The following KHDRBS2 variants were observed in gnomAD, a reference collection of about 807,000 sequenced individuals.
KHDRBS2 encodes the protein KH domain-containing, RNA-binding, signal transduction-associated protein 2.
In KHDRBS2, 26 loss-of-function variants were observed where a neutral mutation model predicts 44.3. The observed-to-expected ratio is 0.59, with a 90% CI of 0.43 to 0.81. KHDRBS2 has a LOEUF of 0.81. Among genes scored for constraint, KHDRBS2 ranks in the 40% least tolerant of loss-of-function variants. The probability of loss-of-function intolerance (pLI) is 0.00; values close to 1 mark genes in which losing one functional copy is unlikely to be tolerated. For synonymous variants in KHDRBS2, 194 were observed against 151.1 expected (o/e 1.28, Z -2.08); for missense variants, 476 against 433.1 (o/e 1.10, Z -0.88).
intron 4 of KHDRBS2, 100 bp from the exon 5 acceptor site, chr6:61,901,471 ATT>A (rs1186612861): frequency 1.1e-6 from 1 of 931,836 alleles, no homozygotes; most frequent in Non-Finnish European, 1.6e-6. Flanking sequence ...ATAGGAAATA[ATT>A]TTTTTCATTT....
Position 61,978,099 on chromosome 6 carries a change from A to G in KHDRBS2, c.450T>C (p.His150=), listed in dbSNP as rs1773077680. 6.2e-7 allele frequency: 1 copy of G among 1,609,078 alleles called. No individual in the cohort carries two copies. The highest frequency in any genetic ancestry group is 1.7e-5 in the Admixed American group (1 of 59,192). ...PPGEAYSRMS[H]ALEEIKKFLV... Reference sequence around the variant, plus strand: ...GGAATTTTTTAATCTCTTCCAATGCATGACTCATACGTGAATAAGCTTCCC... The same window carrying G: ...GGAATTTTTTAATCTCTTCCAATGCGTGACTCATACGTGAATAAGCTTCCC... Residue 150 remains histidine (H), a synonymous_variant, in exon 4 of 9, where the codon CAT becomes CAC. Coordinates refer to ENST00000281156, the MANE Select transcript of KHDRBS2 (RefSeq NM_152688.4).
chr6:61,956,208 CA>C (rs1012784726), intron 4 of KHDRBS2, among the ~76,000 whole-genome samples: 1 of 151,866 alleles, frequency 6.6e-6, no homozygotes, highest in South Asian at 2.1e-4. Flanking sequence ...AAAACAAAAA[CA>C]AAAAAACAGA....
intron 1 of KHDRBS2, among the ~76,000 whole-genome samples, chr6:62,198,036 CAA>C (rs1826056700): frequency 6.6e-6 from 1 of 151,898 alleles, no homozygotes; most frequent in Non-Finnish European, 1.5e-5. Context: ...TCTTTGAAAC[CAA>C]TGAGAACAAA....
At chr6:62,066,052 C>T (rs1405140193) in intron 2 of KHDRBS2, among the ~76,000 whole-genome samples, 1 of 151,564 alleles carries the variant, frequency 6.6e-6, no homozygotes, top group Admixed American at 6.6e-5. Context: ...TTCAAAGACA[C>T]GTCTTTGCCA....
In KHDRBS2 at chr6:62,285,760, C is replaced by T. The variant is rs1193218918; in HGVS notation, c.91+98G>A. 7 of 746,396 alleles carry T rather than the reference C, an allele frequency of 9.4e-6. No individual in the cohort carries two copies. The East Asian group carries it at 1.2e-4, about 12-fold the overall frequency. The allele number at this position is 746,396 out of a possible 1,614,324, so 46.2% of individuals were successfully genotyped here. A position where few individuals can be genotyped will look rare whatever the true frequency, so the allele number is the denominator to read the frequency against. On this transcript the variant is annotated intron_variant, in intron 1 of 8. Transcript: ENST00000281156. The stretch of plus-strand genomic sequence containing the variant: ...TTCAGGGGGACAGTTTCTGCGAAGG[C>T]GGGGAGAGGAGTCCCTCCCCAACTT...
intron 4 of KHDRBS2, among the ~76,000 whole-genome samples, chr6:61,911,600 TTTTTG>T (rs1806056728): frequency 1.3e-5 from 2 of 152,182 alleles, no homozygotes; most frequent in African/African-American, 2.4e-5. Flanking sequence ...TGGCTGCTGC[TTTTTG>T]TTTTATTTTT....
intron 2 of KHDRBS2, among the ~76,000 whole-genome samples, chr6:62,088,311 C>T (rs1200885260): frequency 6.6e-6 from 1 of 152,132 alleles, no homozygotes; most frequent in African/African-American, 2.4e-5. Flanking sequence ...CTTTTTTGGG[C>T]TGTTTTTTCC....
At chr6:62,083,604 T>C (rs1328954660) in intron 2 of KHDRBS2, among the ~76,000 whole-genome samples, 2 of 152,124 alleles carry the variant, frequency 1.3e-5, no homozygotes, top group Non-Finnish European at 2.9e-5. Context: ...CAGGCCCACA[T>C]GGAGTTCTGC....
rs185260996 is a variant in KHDRBS2 at position 62,018,333 on chromosome 6, G to C, written c.336+29545C>G. Reference sequence around the variant, plus strand: ...TGTGTGTGTGTGTGTGTGTGTGTGTGTGTGTGTCCTTATTTCCTTCTCACC... The same window carrying C: ...TGTGTGTGTGTGTGTGTGTGTGTGTCTGTGTGTCCTTATTTCCTTCTCACC... On this transcript the variant is annotated intron_variant, in intron 3 of 8. Coordinates refer to ENST00000281156, the MANE Select transcript of KHDRBS2 (RefSeq NM_152688.4). 6.6e-3 allele frequency among the ~76,000 whole-genome samples: 525 copies of C among 79,030 alleles called. 1 individual carries two copies. The highest frequency in any genetic ancestry group is 0.024 in the Middle Eastern group (3 of 124). 51.8% of individuals were successfully genotyped at this position (79,030 alleles called of 152,430 possible).
intron 6 of KHDRBS2, among the ~76,000 whole-genome samples, chr6:61,784,703 A>T (rs1053298451): frequency 1.3e-5 from 2 of 152,168 alleles, no homozygotes; most frequent in African/African-American, 4.8e-5. Context: ...TTTACCTACA[A>T]ATGATAATTT....
chr6:61,816,490 G>A (rs1377705920), intron 6 of KHDRBS2: 1 of 288,262 alleles, frequency 3.5e-6, no homozygotes. Context: ...AACAGTAGAA[G>A]TCAGGGAGAG....
intron 4 of KHDRBS2, among the ~76,000 whole-genome samples, chr6:61,956,389 T>C (rs1298277006): frequency 6.6e-6 from 1 of 152,190 alleles, no homozygotes; most frequent in African/African-American, 2.4e-5. Flanking sequence ...CATGATTCAC[T>C]GACAAAATTG....
the KHDRBS2 span, among the ~76,000 whole-genome samples, chr6:61,606,001 T>C: frequency 1.3e-5 from 2 of 152,152 alleles, no homozygotes; most frequent in Non-Finnish European, 2.9e-5. Flanking sequence ...CCTTAAATGA[T>C]GACAATACCT....
chr6:62,277,733 A>T (rs958665364), intron 1 of KHDRBS2, among the ~76,000 whole-genome samples: 3 of 152,176 alleles, frequency 2.0e-5, no homozygotes, highest in African/African-American at 7.2e-5. Flanking sequence ...TTAATCCTCC[A>T]AACTATAACT....
intron 2 of KHDRBS2, among the ~76,000 whole-genome samples, chr6:62,110,864 T>A (rs544599664): frequency 6.6e-6 from 1 of 152,066 alleles, no homozygotes; most frequent in Non-Finnish European, 1.5e-5. Context: ...ATATTTTATA[T>A]GTGTAATTTC....
chr6:61,967,204 C>CAAAAAAAA (rs57036975), intron 4 of KHDRBS2, among the ~76,000 whole-genome samples: 1 of 123,662 alleles, frequency 8.1e-6, no homozygotes, highest in Non-Finnish European at 1.7e-5. Flanking sequence ...ACTATGTTTA[C>CAAAAAAAA]AAAAAAAAAA....
chr6:62,136,902 A>G (rs1206345797), intron 2 of KHDRBS2, among the ~76,000 whole-genome samples: 1 of 150,524 alleles, frequency 6.6e-6, no homozygotes, highest in East Asian at 2.0e-4. Flanking sequence ...TTGTTTCTCT[A>G]TTTGAAATGT....
At chr6:62,049,493 C>CA (rs35805614) in intron 2 of KHDRBS2, among the ~76,000 whole-genome samples, 72,712 of 148,108 alleles carry the variant, frequency 0.49, 17,970 homozygotes, top group Non-Finnish European at 0.54. Flanking sequence ...CAAAGAGCAC[C>CA]AAAAAAAAAA....
At chr6:61,630,775 T>C in the KHDRBS2 span, among the ~76,000 whole-genome samples, 380 of 152,250 alleles carry the variant, frequency 2.5e-3, 1 homozygote, top group Non-Finnish European at 4.5e-3. Context: ...GAGGGGAGCT[T>C]GGGCTCTAAA....
Sources: gnomAD v4.1 joint callset for allele counts (sites outside exome capture counted in the v4.1 genomes callset) on GRCh38, gnomAD v4.1.1 for gene constraint, MANE v1.5 for transcripts, NCBI Gene and HGNC (gene_info 2026-07-23, HGNC 2026-07-21) for gene names.